The following COMMD10 variants were observed in gnomAD, a reference collection of about 807,000 sequenced individuals.
COMMD10 encodes the protein COMM domain-containing protein 10.
Under a neutral mutation model 28.9 loss-of-function variants are expected in COMMD10, and 33 were observed. That is an observed-to-expected ratio of 1.14 (90% CI 0.87 to 1.53). The LOEUF is 1.53. COMMD10 is among the 40% of genes most tolerant of loss of function. COMMD10 has a pLI of 0.00. For synonymous variants in COMMD10, 110 were observed against 81.7 expected, an observed-to-expected ratio of 1.35 and a Z score of -1.87; for missense variants, 310 against 233.4, an observed-to-expected ratio of 1.33 and a Z score of -2.14.
intron 5 of COMMD10, among the ~76,000 whole-genome samples, chr5:116,274,283 A>G (rs534781960): frequency 2.6e-5 from 4 of 152,020 alleles, no homozygotes; most frequent in African/African-American, 9.7e-5. Context: ...AATTTGAGAC[A>G]TTTGTCTACA....
At chr5:116,250,802 A>G (rs1052263958) in intron 5 of COMMD10, among the ~76,000 whole-genome samples, 2 of 151,976 alleles carry the variant, frequency 1.3e-5, no homozygotes, top group African/African-American at 4.8e-5. Context: ...AGACTCAATT[A>G]AAGGACCATA....
At chr5:116,286,408 C>T (rs1371354778) in intron 5 of COMMD10, among the ~76,000 whole-genome samples, 3 of 147,162 alleles carry the variant, frequency 2.0e-5, no homozygotes, top group South Asian at 2.1e-4. Flanking sequence ...TTACTTTGAC[C>T]TTAGGGTTTT....
chr5:116,109,517 C>T (rs371976164), intron 4 of COMMD10, among the ~76,000 whole-genome samples: 1 of 152,152 alleles, frequency 6.6e-6, no homozygotes, highest in African/African-American at 2.4e-5. Flanking sequence ...TTGCTTGAAC[C>T]TGGGAGGGAC....
intron 4 of COMMD10, among the ~76,000 whole-genome samples, chr5:116,101,289 C>G (rs905188630): frequency 6.6e-6 from 1 of 152,076 alleles, no homozygotes; most frequent in African/African-American, 2.4e-5. Flanking sequence ...AATGTTAGTT[C>G]TAGTTTTAGT....
At chr5:116,231,803 C>T (rs1392682387) in intron 5 of COMMD10, among the ~76,000 whole-genome samples, 2 of 151,646 alleles carry the variant, frequency 1.3e-5, no homozygotes, top group Non-Finnish European at 2.9e-5. Context: ...TGGGAAATAA[C>T]AGTTGAACAT....
intron 5 of COMMD10, among the ~76,000 whole-genome samples, chr5:116,243,987 A>G (rs764615798): frequency 1.3e-5 from 2 of 152,122 alleles, no homozygotes; most frequent in East Asian, 1.9e-4. Context: ...GAGGAAAACA[A>G]TGTTAAATCA....
Position 116,258,270 on chromosome 5 carries a change from CT to C in COMMD10, c.511-33246del, listed in dbSNP as rs556064822. 2.6e-3 allele frequency among the ~76,000 whole-genome samples: 390 copies of C among 151,800 alleles called. 2 individuals carry two copies. The highest frequency in any genetic ancestry group is 4.4e-3 in the Non-Finnish European group (301 of 67,948). ...ATTTTGTAGTATATCTATTCCTCCC[CT>C]AGATAAGATCTGTAGCACACTTACT... On this transcript the variant is annotated intron_variant, in intron 5 of 6. Coordinates refer to ENST00000274458, the MANE Select transcript of COMMD10 (RefSeq NM_016144.4).
In COMMD10 at chr5:116,193,720, G is replaced by T. The variant is rs990976331; in HGVS notation, c.510+59542G>T. Among the ~76,000 whole-genome samples, 8 of 152,184 alleles carry T rather than the reference G, an allele frequency of 5.3e-5. No individual in the cohort carries two copies. The East Asian group carries it at 1.5e-3, about 29-fold the overall frequency. ...TGAGATAGACAGCAACATGATAATA[G>T]TGGAGGACTTCAGTACTCCACTGAC... is the stretch of plus-strand genomic sequence containing the variant. On this transcript the variant is annotated intron_variant, in intron 5 of 6. Transcript: ENST00000274458.
chr5:116,095,389 G>A (rs958572445), intron 4 of COMMD10, among the ~76,000 whole-genome samples: 2 of 152,154 alleles, frequency 1.3e-5, no homozygotes, highest in Admixed American at 6.5e-5. Context: ...CATGTCTAAG[G>A]TTAGCTAAGC....
At chr5:116,117,128 CAT>C (rs1312186125) in intron 4 of COMMD10, among the ~76,000 whole-genome samples, 5 of 152,108 alleles carry the variant, frequency 3.3e-5, no homozygotes, top group Non-Finnish European at 5.9e-5. Context: ...TGCTAAGTGT[CAT>C]TCCATTATAT....
In COMMD10 at chr5:116,291,647, T is replaced by G. The variant is rs1751365176; in HGVS notation, c.570+71T>G. On this transcript the variant is annotated intron_variant, in intron 6 of 6. Transcript: ENST00000274458. ...TAATATTTTGTTTCATTTTATGAAT[T>G]CTTATTTTTAAATGTCATATTATGG... The G allele has an allele frequency of 4.6e-6, 4 of 878,390 alleles. No homozygotes were observed. The East Asian group carries it at 1.1e-4, about 25-fold the overall frequency. The allele number at this position is 878,390 out of a possible 1,614,324, so 54.4% of individuals were successfully genotyped here. A position where few individuals can be genotyped will look rare whatever the true frequency, so the allele number is the denominator to read the frequency against.
At chr5:116,183,165 C>T (rs544606137) in intron 5 of COMMD10, among the ~76,000 whole-genome samples, 260 of 152,178 alleles carry the variant, frequency 1.7e-3, no homozygotes, top group African/African-American at 5.9e-3. Flanking sequence ...GCCATTGACT[C>T]ACCAGAGAAC....
chr5:116,130,296 G>A (rs1424976929), intron 4 of COMMD10, among the ~76,000 whole-genome samples: 3 of 151,860 alleles, frequency 2.0e-5, no homozygotes, highest in East Asian at 3.9e-4. Flanking sequence ...AATCTTAGGT[G>A]GTAGTCAGCA....
Position 116,235,173 on chromosome 5 carries a change from G to A in COMMD10, c.511-56344G>A, listed in dbSNP as rs998124367. On this transcript the variant is annotated intron_variant, in intron 5 of 6. Transcript: ENST00000274458. ...TAACAAACTGATACAATTGAGAAGA[G>A]AGAGTGTGGGCTGCTAATAAGAAGC... Among the ~76,000 whole-genome samples the A allele has an allele frequency of 4.6e-5, 7 of 152,282 alleles. No individual in the cohort carries two copies. The East Asian group carries it at 1.3e-3, about 29-fold the overall frequency.
intron 5 of COMMD10, among the ~76,000 whole-genome samples, chr5:116,234,705 G>C (rs562928386): frequency 1.6e-3 from 250 of 152,286 alleles, no homozygotes; most frequent in African/African-American, 5.7e-3. Flanking sequence ...GATCGAGTTA[G>C]GAACTTCCGA....
At chr5:116,225,431 C>A (rs1382342) in intron 5 of COMMD10, among the ~76,000 whole-genome samples, 86,925 of 146,338 alleles carry the variant, frequency 0.59, 29,730 homozygotes, top group South Asian at 0.77. Flanking sequence ...TGAAATGACT[C>A]TGGGTTCTGT....
chr5:116,104,913 C>T (rs1750789040), intron 4 of COMMD10, among the ~76,000 whole-genome samples: 1 of 152,194 alleles, frequency 6.6e-6, no homozygotes, highest in African/African-American at 2.4e-5. Flanking sequence ...GCCACCGCAC[C>T]CAGCCTCCTC....
At chr5:116,251,299 T>A (rs1343533463) in intron 5 of COMMD10, among the ~76,000 whole-genome samples, 539 of 131,998 alleles carry the variant, frequency 4.1e-3, no homozygotes, top group Non-Finnish European at 7.8e-3. Flanking sequence ...TATTTATTTA[T>A]TTATTATTAT....
chr5:116,218,524 T>C (rs10478293), intron 5 of COMMD10, among the ~76,000 whole-genome samples: 93,164 of 152,082 alleles, frequency 0.61, 31,681 homozygotes, highest in South Asian at 0.77. Flanking sequence ...AGGATGCTTC[T>C]TAATGACAGC....
Sources: allele counts gnomAD v4.1 joint callset (sites outside exome capture counted in the v4.1 genomes callset), GRCh38; gene constraint gnomAD v4.1.1; transcripts MANE v1.5; gene names NCBI Gene and HGNC (gene_info 2026-07-23, HGNC 2026-07-21).